Variants in APBA2 observed in about 807,000 individuals in gnomAD.
The protein encoded by APBA2 is amyloid-beta A4 precursor protein-binding family A member 2.
Under a neutral mutation model 75.0 loss-of-function variants are expected in APBA2, and 30 were observed. That is an observed-to-expected ratio of 0.40 (90% CI 0.30 to 0.54). The LOEUF (loss-of-function observed/expected upper bound fraction) is 0.54, where lower values mean the gene tolerates loss of function less well. Among genes scored for constraint, APBA2 ranks in the 20% least tolerant of loss-of-function variants. The pLI is 0.49. For missense variants in APBA2, 801 were observed against 1,016.1 expected (o/e 0.79, Z 2.88); for synonymous variants, 444 against 409.6 (o/e 1.08, Z -1.01).
intron 2 of APBA2, among the ~76,000 whole-genome samples, chr15:28,982,079 T>A (rs1479360146): frequency 1.3e-5 from 2 of 152,178 alleles, no homozygotes; most frequent in African/African-American, 4.8e-5. Context: ...ACGGGATTAA[T>A]CATACCCCAA....
rs35820391 is a variant in APBA2 at position 29,102,437 on chromosome 15, G to A, written c.1524+653G>A. 1,216 of 154,818 alleles carry A rather than the reference G, an allele frequency of 7.9e-3. 3 individuals carry two copies. The highest frequency in any genetic ancestry group is 0.03 in the Middle Eastern group (9 of 298). The allele number at this position is 154,818 out of a possible 1,614,324, so 9.6% of individuals were successfully genotyped here. A position where few individuals can be genotyped will look rare whatever the true frequency, so the allele number is the denominator to read the frequency against. ...GCGCTGCTGGTGAGCCAGTTTTGTG[G>A]CTGTTGCCAGAGTGAAATTTTAAAA... is the stretch of plus-strand genomic sequence containing the variant. On this transcript the variant is annotated intron_variant, in intron 10 of 14. Coordinates refer to ENST00000683413, the MANE Select transcript of APBA2 (RefSeq NM_001353788.2).
chr15:28,989,930 A>G (rs2038131574), intron 2 of APBA2, among the ~76,000 whole-genome samples: 1 of 152,136 alleles, frequency 6.6e-6, no homozygotes, highest in African/African-American at 2.4e-5. Context: ...CTGTTCCCTG[A>G]TTTCTCAAAG....
At chr15:29,113,791 C>T in intron 13 of APBA2, 85 bp from the exon 14 acceptor site, 3 of 1,569,190 alleles carry the variant, frequency 1.9e-6, no homozygotes, top group Non-Finnish European at 1.7e-6. Context: ...GCTTTTCCCT[C>T]TGCATGTCCC....
intron 2 of APBA2, among the ~76,000 whole-genome samples, chr15:28,976,430 A>G (rs1318807090): frequency 6.6e-6 from 1 of 152,234 alleles, no homozygotes; most frequent in Non-Finnish European, 1.5e-5. Flanking sequence ...GGCCATCTCT[A>G]ATGGTCCACC....
intron 3 of APBA2, among the ~76,000 whole-genome samples, chr15:29,047,260 G>A (rs1198237949): frequency 2.6e-5 from 4 of 152,186 alleles, no homozygotes; most frequent in African/African-American, 9.7e-5. Context: ...GGTAGCTGCT[G>A]TGGGTCCCTT....
At chr15:28,957,075 T>C (rs1356862758) in intron 2 of APBA2, among the ~76,000 whole-genome samples, 1 of 149,186 alleles carries the variant, frequency 6.7e-6, no homozygotes, top group East Asian at 1.9e-4. Context: ...TTTTTCTTTT[T>C]TTTTCTTTTT....
chr15:28,887,141 C>T (rs2031797285), intron 1 of APBA2, among the ~76,000 whole-genome samples: 2 of 152,352 alleles, frequency 1.3e-5, no homozygotes, highest in African/African-American at 4.8e-5. Context: ...TTTTTCAGAT[C>T]TATTCAGATA....
chr15:28,992,881 T>C (rs2038308838), intron 2 of APBA2, among the ~76,000 whole-genome samples: 1 of 152,232 alleles, frequency 6.6e-6, no homozygotes, highest in South Asian at 2.1e-4. Flanking sequence ...TGGGGAGACC[T>C]GTGTACTTAA....
At chr15:28,937,900 G>A (rs1204910978) in intron 2 of APBA2, among the ~76,000 whole-genome samples, 3 of 152,066 alleles carry the variant, frequency 2.0e-5, no homozygotes, top group Non-Finnish European at 2.9e-5. Flanking sequence ...CTCGTGATCC[G>A]CCCACCTCGG....
At chr15:29,083,591 C>T (rs565742471) in intron 6 of APBA2, among the ~76,000 whole-genome samples, 32 of 152,214 alleles carry the variant, frequency 2.1e-4, no homozygotes, top group Non-Finnish European at 5.9e-5. Flanking sequence ...AGTGCAATGG[C>T]GCAATCTTGG....
At chr15:29,065,830 A>T (rs191709234) in intron 4 of APBA2, among the ~76,000 whole-genome samples, 335 of 152,266 alleles carry the variant, frequency 2.2e-3, no homozygotes, top group Non-Finnish European at 4.2e-3. Flanking sequence ...TGGTCCTTTT[A>T]AGAGACACTG....
intron 2 of APBA2, among the ~76,000 whole-genome samples, chr15:28,933,406 A>G (rs565927528): frequency 6.6e-6 from 1 of 152,270 alleles, no homozygotes; most frequent in Non-Finnish European, 1.5e-5. Flanking sequence ...CAGGCACGGA[A>G]TCTGCTGGCT....
intron 4 of APBA2, among the ~76,000 whole-genome samples, chr15:29,073,985 C>T (rs949697758): frequency 1.3e-5 from 2 of 152,026 alleles, no homozygotes; most frequent in African/African-American, 2.4e-5. Flanking sequence ...CATTTATTCT[C>T]ATCCAAGAAT....
Position 29,054,911 on chromosome 15 carries a change from A to T in APBA2, c.951+76A>T. ...GGACCTCAGGGTACAGGCCTTGCAG[A>T]TGCTGAAGCGAGGCGGTGGGGGGTG... On this transcript the variant is annotated intron_variant, in intron 4 of 14. Transcript: ENST00000683413. This position sits in a 1 kb window ranked among gnomAD's most constrained non-coding sequence, Gnocchi z 6.1. 2 of 1,415,572 alleles carry T rather than the reference A, an allele frequency of 1.4e-6. No individual in the cohort carries two copies. Among genetic ancestry groups the T allele is most frequent in the Middle Eastern group, 2.1e-4 (1 of 4,824 alleles). The allele number at this position is 1,415,572 out of a possible 1,614,324, so 87.7% of individuals were successfully genotyped here.
At chr15:29,053,570 G>A (rs2041711889) in intron 3 of APBA2, among the ~76,000 whole-genome samples, 1 of 152,250 alleles carries the variant, frequency 6.6e-6, no homozygotes, top group Admixed American at 6.5e-5. Flanking sequence ...GAATGAGCCG[G>A]TAGGTTCCTG....
chr15:28,972,189 T>C (rs1007791857), intron 2 of APBA2, among the ~76,000 whole-genome samples: 1 of 152,052 alleles, frequency 6.6e-6, no homozygotes, highest in Admixed American at 6.6e-5. Flanking sequence ...ATGAAAGAAA[T>C]AGAAAAGATC....
At chr15:29,048,759 C>T (rs1296178709) in intron 3 of APBA2, among the ~76,000 whole-genome samples, 4 of 151,582 alleles carry the variant, frequency 2.6e-5, no homozygotes, top group African/African-American at 9.7e-5. Context: ...CATGGTGAAA[C>T]CACATCTCTA....
chr15:28,989,389 T>C (rs2038098105), intron 2 of APBA2, among the ~76,000 whole-genome samples: 1 of 152,196 alleles, frequency 6.6e-6, no homozygotes, highest in African/African-American at 2.4e-5. Flanking sequence ...CGCAGGTTCG[T>C]ATCTGTGAAT....
rs2042830000 is a variant in APBA2, at chr15:29,075,959, CATT to C, written c.1033-93_1033-91del. ...TCACTCATGGGGGGTTTGCTTTTCT[CATT>C]ATGGCTCATATCACAGCCCTGCTTA... On this transcript the variant is annotated intron_variant, in intron 5 of 14. Transcript: ENST00000683413. The C allele has an allele frequency of 2.6e-6, 3 of 1,143,246 alleles. No individual in the cohort carries two copies. In the Admixed American group the frequency reaches 5.1e-5, roughly 19 times the overall value. 70.8% of individuals were successfully genotyped at this position (1,143,246 alleles called of 1,614,324 possible).
Sources: allele counts gnomAD v4.1 joint callset (sites outside exome capture counted in the v4.1 genomes callset), GRCh38; gene constraint gnomAD v4.1.1; non-coding constraint Gnocchi (gnomAD v3.1); transcripts MANE v1.5; gene names NCBI Gene and HGNC (gene_info 2026-07-23, HGNC 2026-07-21).